Variants in CELF2 observed in about 807,000 individuals in gnomAD.
CELF2 encodes CUGBP Elav-like family member 2, also known as CUG triplet repeat RNA-binding protein 2.
A neutral mutation model predicts 62.6 loss-of-function variants in CELF2; 8 were observed. The ratio of observed to expected loss-of-function variants is 0.13; its 90% CI spans 0.07 to 0.23. CELF2 has a LOEUF of 0.23. CELF2 is among the 10% of genes least tolerant of loss of function. The probability of loss-of-function intolerance (pLI) is 1.00; values close to 1 mark genes in which losing one functional copy is unlikely to be tolerated. For missense variants in CELF2, 333 were observed against 671.0 expected, an observed-to-expected ratio of 0.50 and a Z score of 5.56; for synonymous variants, 258 against 250.0, an observed-to-expected ratio of 1.03 and a Z score of -0.30.
At chr10:10,769,347 CAG>C in the CELF2 span, among the ~76,000 whole-genome samples, 1 of 152,278 alleles carries the variant, frequency 6.6e-6, no homozygotes, top group South Asian at 2.1e-4. Flanking sequence ...GATCAAGGGA[CAG>C]GGGCTAGAAC....
intron 2 of CELF2, among the ~76,000 whole-genome samples, chr10:10,971,091 T>C (rs1238579511): frequency 6.6e-6 from 1 of 152,170 alleles, no homozygotes; most frequent in Admixed American, 6.5e-5. Flanking sequence ...CAACTCCTTC[T>C]CCTTGGGCTC....
chr10:10,721,657 T>C, the CELF2 span, among the ~76,000 whole-genome samples: 1 of 152,248 alleles, frequency 6.6e-6, no homozygotes, highest in East Asian at 1.9e-4. Flanking sequence ...ACTATAGACA[T>C]ATCACCTTTT....
intron 2 of CELF2, among the ~76,000 whole-genome samples, chr10:11,215,881 G>A (rs1202786245): frequency 1.3e-5 from 2 of 152,068 alleles, no homozygotes; most frequent in East Asian, 1.9e-4. Context: ...GCTTTTCTGG[G>A]GCTTACATCA....
intron 2 of CELF2, among the ~76,000 whole-genome samples, chr10:10,977,616 C>A (rs1287785730): frequency 6.6e-6 from 1 of 152,184 alleles, no homozygotes; most frequent in Admixed American, 6.5e-5. Flanking sequence ...AAGCATTTTT[C>A]TGAATGTCAT....
chr10:10,670,033 G>C, the CELF2 span, among the ~76,000 whole-genome samples: 1 of 151,096 alleles, frequency 6.6e-6, no homozygotes, highest in Non-Finnish European at 1.5e-5. Flanking sequence ...CTCCCAAGTT[G>C]CTGGGATTAC....
At chr10:10,868,607 G>C (rs2060531006) in intron 1 of CELF2, among the ~76,000 whole-genome samples, 1 of 152,192 alleles carries the variant, frequency 6.6e-6, no homozygotes, top group South Asian at 2.1e-4. Flanking sequence ...GAGATGGGAT[G>C]GGAGATATTG....
chr10:10,474,717 G>A, the CELF2 span, among the ~76,000 whole-genome samples: 1 of 152,076 alleles, frequency 6.6e-6, no homozygotes, highest in South Asian at 2.1e-4. Flanking sequence ...CTGCAGGAGA[G>A]GAAGTCACCA....
intron 2 of CELF2, among the ~76,000 whole-genome samples, chr10:11,192,435 C>G (rs763926311): frequency 3.9e-5 from 6 of 152,246 alleles, no homozygotes; most frequent in Non-Finnish European, 8.8e-5. Flanking sequence ...CAGTGCTGCC[C>G]AGCCCTGCCA....
At chr10:10,637,343 A>G in the CELF2 span, among the ~76,000 whole-genome samples, 10,007 of 152,268 alleles carry the variant, frequency 0.066, 448 homozygotes, top group Middle Eastern at 0.13. Context: ...GATTAGAACT[A>G]GAACCTCCAT....
At chr10:10,569,043 A>G in the CELF2 span, among the ~76,000 whole-genome samples, 2 of 152,220 alleles carry the variant, frequency 1.3e-5, no homozygotes, top group African/African-American at 4.8e-5. Context: ...AGATATCACC[A>G]TCATTTACTT....
Position 11,011,340 on chromosome 10 carries a change from A to AG in CELF2, c.53+5904dup, listed in dbSNP as rs1338303406. On this transcript the variant is annotated intron_variant, in intron 1 of 12. Coordinates refer to the CELF2 transcript ENST00000416382. The surrounding 1 kb of genome is among the most constrained non-coding windows in gnomAD (Gnocchi z 4.6). Reference sequence around the variant, plus strand: ...AACAAAGAGTAGACAGTGAATGAGGAGGGGTCAAGTGGCGAGATGCAGAGA... The same window carrying AG: ...AACAAAGAGTAGACAGTGAATGAGGAGGGGGTCAAGTGGCGAGATGCAGAGA... Among the ~76,000 whole-genome samples the AG allele has an allele frequency of 6.6e-6, 1 of 151,700 alleles. No individual in the cohort carries two copies. Among genetic ancestry groups the AG allele is most frequent in the Non-Finnish European group, 1.5e-5 (1 of 67,946 alleles).
the CELF2 span, among the ~76,000 whole-genome samples, chr10:10,589,425 A>G: frequency 6.6e-6 from 1 of 152,174 alleles, no homozygotes; most frequent in Non-Finnish European, 1.5e-5. Context: ...ATCCCTTCCC[A>G]TCATAGCCTC....
chr10:10,819,135 A>C (rs7903084), intron 1 of CELF2, among the ~76,000 whole-genome samples: 1 of 152,098 alleles, frequency 6.6e-6, no homozygotes, highest in Admixed American at 6.5e-5. Context: ...CTAACATGGG[A>C]ATGATAGCTG....
At chr10:10,687,609 C>T in the CELF2 span, among the ~76,000 whole-genome samples, 1 of 152,128 alleles carries the variant, frequency 6.6e-6, no homozygotes, top group South Asian at 2.1e-4. Flanking sequence ...CACTGAGATT[C>T]CTGAATTTAA....
chr10:10,537,925 G>A, the CELF2 span, among the ~76,000 whole-genome samples: 87 of 152,190 alleles, frequency 5.7e-4, no homozygotes, highest in East Asian at 8.5e-3. Context: ...GTCCGTGGCC[G>A]CGGGAGCCTG....
the CELF2 span, among the ~76,000 whole-genome samples, chr10:10,612,276 T>A: frequency 1.3e-5 from 2 of 152,166 alleles, no homozygotes; most frequent in Non-Finnish European, 2.9e-5. Flanking sequence ...TTTTGGTCAA[T>A]TTCCCCAGGC....
the CELF2 span, among the ~76,000 whole-genome samples, chr10:10,649,781 G>GT: frequency 6.6e-6 from 1 of 152,162 alleles, no homozygotes; most frequent in Non-Finnish European, 1.5e-5. Flanking sequence ...AAGGACCCGC[G>GT]TGTAGTGTAG....
intron 1 of CELF2, among the ~76,000 whole-genome samples, chr10:11,055,781 T>C (rs1429783623): frequency 1.3e-5 from 2 of 152,214 alleles, no homozygotes; most frequent in African/African-American, 4.8e-5. Flanking sequence ...AGCTCTTACA[T>C]GTGAGTCTTT....
At chr10:11,262,859 T>G (rs1258602133) in intron 5 of CELF2, among the ~76,000 whole-genome samples, 1 of 150,744 alleles carries the variant, frequency 6.6e-6, no homozygotes, top group African/African-American at 2.4e-5. Context: ...TGAAGTATAG[T>G]GGGTACTACA....
Sources: gnomAD v4.1 joint callset for allele counts (sites outside exome capture counted in the v4.1 genomes callset) on GRCh38, gnomAD v4.1.1 for gene constraint, Gnocchi (gnomAD v3.1) non-coding constraint, MANE v1.5 for transcripts, NCBI Gene and HGNC (gene_info 2026-07-23, HGNC 2026-07-21) for gene names.